The following TBXAS1 variants were observed in gnomAD, a reference collection of about 807,000 sequenced individuals.
TBXAS1 encodes the protein thromboxane-A synthase.
In TBXAS1, 48 loss-of-function variants were observed where a neutral mutation model predicts 60.7. That is an observed-to-expected ratio of 0.79 (90% CI 0.63 to 1.01). The LOEUF is 1.01. Among genes scored for constraint, TBXAS1 ranks in the 50% least tolerant of loss-of-function variants. The pLI is 0.00. For synonymous variants in TBXAS1, 287 were observed against 269.7 expected (o/e 1.06, Z -0.63); for missense variants, 685 against 686.3 (o/e 1.00, Z 0.02).
At chr7:139,813,895 T>A (rs1307967184) in intron 4 of TBXAS1, among the ~76,000 whole-genome samples, 1 of 152,178 alleles carries the variant, frequency 6.6e-6, no homozygotes, top group Non-Finnish European at 1.5e-5. Flanking sequence ...AGCCCTCAGG[T>A]GCCACTTCCT....
intron 9 of TBXAS1, among the ~76,000 whole-genome samples, chr7:139,991,303 G>T (rs1812880794): frequency 6.6e-6 from 1 of 152,058 alleles, no homozygotes; most frequent in South Asian, 2.1e-4. Context: ...CCCCATGCAG[G>T]TCCGTGACCC....
chr7:139,865,892 AGGAG>A (rs1366479257), intron 1 of TBXAS1, among the ~76,000 whole-genome samples: 2 of 116,982 alleles, frequency 1.7e-5, no homozygotes, highest in South Asian at 3.5e-4. Flanking sequence ...GGAAGGAGGA[AGGAG>A]GGAGGGAGGA....
intron 4 of TBXAS1, among the ~76,000 whole-genome samples, chr7:139,930,144 C>A (rs1387506772): frequency 6.6e-6 from 1 of 152,200 alleles, no homozygotes; most frequent in African/African-American, 2.4e-5. Flanking sequence ...CCACCAAACC[C>A]CCAGCTCCTT....
At chr7:139,951,182 T>C (rs1415310571) in intron 5 of TBXAS1, among the ~76,000 whole-genome samples, 1 of 152,176 alleles carries the variant, frequency 6.6e-6, no homozygotes, top group Non-Finnish European at 1.5e-5. Context: ...ATAGCAATTG[T>C]ACCTGGTTAT....
At chr7:139,919,872 GT>G (rs1224754792) in intron 4 of TBXAS1, among the ~76,000 whole-genome samples, 2 of 152,194 alleles carry the variant, frequency 1.3e-5, no homozygotes, top group East Asian at 3.9e-4. Context: ...GAAAAGTACT[GT>G]GTTTGCTGTA....
chr7:139,957,461 G>A (rs1305154837), intron 7 of TBXAS1, 173 bp from the exon 8 acceptor site: 1 of 762,542 alleles, frequency 1.3e-6, no homozygotes, highest in Non-Finnish European at 2.2e-6. Flanking sequence ...GAGGAGTACC[G>A]AGAGGGAGTG....
At chr7:140,018,574 A>G (rs918159924) in intron 12 of TBXAS1, among the ~76,000 whole-genome samples, 3 of 151,220 alleles carry the variant, frequency 2.0e-5, no homozygotes, top group African/African-American at 7.3e-5. Context: ...CACATCACAC[A>G]CTCCAGAACC....
chr7:139,801,177 AAAT>A (rs1331230754), intron 4 of TBXAS1, among the ~76,000 whole-genome samples: 4 of 152,214 alleles, frequency 2.6e-5, no homozygotes, highest in Non-Finnish European at 5.9e-5. Flanking sequence ...TTTTTAAATA[AAAT>A]AATGTTTTCT....
intron 9 of TBXAS1, among the ~76,000 whole-genome samples, chr7:139,969,448 A>G (rs2117431649): frequency 1.1e-5 from 1 of 90,708 alleles, no homozygotes; most frequent in African/African-American, 4.5e-5. Context: ...AAAGCATATT[A>G]TGTGCTTACA....
At chr7:139,995,516 C>T (rs563292132) in intron 9 of TBXAS1, among the ~76,000 whole-genome samples, 80 of 152,192 alleles carry the variant, frequency 5.3e-4, no homozygotes, top group African/African-American at 1.8e-3. Flanking sequence ...TGCATCAGAC[C>T]GGTCCAGAGG....
intron 4 of TBXAS1, among the ~76,000 whole-genome samples, chr7:139,823,912 C>T (rs1328072370): frequency 6.6e-6 from 1 of 152,162 alleles, no homozygotes; most frequent in African/African-American, 2.4e-5. Context: ...GCTCCATTGT[C>T]CCTTTACCCA....
chr7:139,784,923 A>G (rs1469819345), intron 3 of TBXAS1, among the ~76,000 whole-genome samples: 1 of 152,024 alleles, frequency 6.6e-6, no homozygotes, highest in Admixed American at 6.6e-5. Flanking sequence ...TCACACAGGG[A>G]GAGGTTACAT....
intron 4 of TBXAS1, among the ~76,000 whole-genome samples, chr7:139,798,567 C>G (rs1375947001): frequency 6.6e-6 from 1 of 152,176 alleles, no homozygotes; most frequent in East Asian, 1.9e-4. Flanking sequence ...TAGAAACCTT[C>G]TATGCAGGAG....
At chr7:139,794,042 A>C (rs968956047) in intron 4 of TBXAS1, among the ~76,000 whole-genome samples, 1 of 151,874 alleles carries the variant, frequency 6.6e-6, no homozygotes, top group Non-Finnish European at 1.5e-5. Flanking sequence ...GGGTGTGTGT[A>C]TGGTGCACGT....
intron 11 of TBXAS1, among the ~76,000 whole-genome samples, chr7:140,017,194 G>A (rs2116469928): frequency 6.6e-6 from 1 of 152,338 alleles, no homozygotes; most frequent in South Asian, 2.1e-4. Context: ...GACCTGCAGG[G>A]CAAGCCAGCA....
intron 11 of TBXAS1, chr7:140,016,932 G>GCTTA (rs945285429): frequency 6.6e-6 from 1 of 152,578 alleles, no homozygotes; most frequent in Non-Finnish European, 1.5e-5. Context: ...CAGCCACAGG[G>GCTTA]CTTACAGCCT....
intron 3 of TBXAS1, among the ~76,000 whole-genome samples, chr7:139,898,250 AG>A (rs1370847767): frequency 6.6e-6 from 1 of 152,050 alleles, no homozygotes; most frequent in Non-Finnish European, 1.5e-5. Context: ...GTCAGACTTG[AG>A]GGTAGGACAG....
At chr7:139,898,088 C>G (rs1276836418) in intron 3 of TBXAS1, among the ~76,000 whole-genome samples, 1 of 152,190 alleles carries the variant, frequency 6.6e-6, no homozygotes, top group African/African-American at 2.4e-5. Context: ...GTCAAATGCC[C>G]AGGTACTCCC....
chr7:139,783,573 T>G (rs913007935), intron 3 of TBXAS1, among the ~76,000 whole-genome samples: 4 of 152,142 alleles, frequency 2.6e-5, no homozygotes, highest in Admixed American at 2.0e-4. Context: ...CAGGCTGAAC[T>G]TGGACAGACT....
Sources: gnomAD v4.1 joint callset for allele counts (sites outside exome capture counted in the v4.1 genomes callset) on GRCh38, gnomAD v4.1.1 for gene constraint, MANE v1.5 for transcripts, NCBI Gene and HGNC (gene_info 2026-07-23, HGNC 2026-07-21) for gene names.